KCND2: variants seen among roughly 807,000 people sequenced by gnomAD.
The protein encoded by KCND2 is A-type voltage-gated potassium channel KCND2.
In KCND2, 16 loss-of-function variants were observed where a neutral mutation model predicts 54.4. The observed-to-expected ratio is 0.29, with a 90% CI of 0.20 to 0.45. The LOEUF (loss-of-function observed/expected upper bound fraction) is 0.45, where lower values mean the gene tolerates loss of function less well. KCND2 is among the 20% of genes least tolerant of loss of function. The pLI is 1.00. For missense variants in KCND2, 486 were observed against 824.2 expected (o/e 0.59, Z 5.02); for synonymous variants, 317 against 310.7 (o/e 1.02, Z -0.21).
At chr7:120,725,742 T>C (rs998513882) in intron 1 of KCND2, among the ~76,000 whole-genome samples, 2 of 152,216 alleles carry the variant, frequency 1.3e-5, no homozygotes, top group African/African-American at 2.4e-5. Context: ...TTAACATCGA[T>C]ACTCCCTTAA....
chr7:120,544,240 G>T (rs756886564), intron 1 of KCND2, among the ~76,000 whole-genome samples: 1 of 151,878 alleles, frequency 6.6e-6, no homozygotes, highest in Non-Finnish European at 1.5e-5. Flanking sequence ...GTTAAGAGCA[G>T]CAGGAAGCAA....
rs954944780 is a variant in KCND2, at chr7:120,378,114, G to A, written c.1115+102367G>A. Among the ~76,000 whole-genome samples, 13 of 151,740 alleles carry A rather than the reference G, an allele frequency of 8.6e-5. 1 individual carries two copies. The highest frequency in any genetic ancestry group is 3.1e-4 in the African/African-American group (13 of 41,332). ...CCTAGAACATTTAAGGCAAACAAATGTTACTCTCTTTTCTGTATGTATATA... is the reference window on the plus strand; with the variant it reads ...CCTAGAACATTTAAGGCAAACAAATATTACTCTCTTTTCTGTATGTATATA... On this transcript the variant is annotated intron_variant, in intron 1 of 5. Coordinates refer to ENST00000331113, the MANE Select transcript of KCND2 (RefSeq NM_012281.3).
At chr7:120,425,701 T>C (rs1366428897) in intron 1 of KCND2, among the ~76,000 whole-genome samples, 1 of 152,250 alleles carries the variant, frequency 6.6e-6, no homozygotes, top group African/African-American at 2.4e-5. Context: ...ACCTGTTCTC[T>C]GGTTGTAGAC....
chr7:120,357,404 C>T (rs945609154), intron 1 of KCND2, among the ~76,000 whole-genome samples: 2 of 151,874 alleles, frequency 1.3e-5, no homozygotes, highest in African/African-American at 4.8e-5. Flanking sequence ...TGATTTTTAC[C>T]CTCCTATCCC....
At chr7:120,286,754 A>C (rs962225994) in intron 1 of KCND2, among the ~76,000 whole-genome samples, 3 of 152,192 alleles carry the variant, frequency 2.0e-5, no homozygotes, top group Non-Finnish European at 4.4e-5. Flanking sequence ...AAATTATAAA[A>C]ATCTTATGAC....
rs185723474 is a variant in KCND2, at chr7:120,630,589, T to C, written c.1116-102314T>C. ...GGAATTGTGGGGAAAACATAGTTAATACAAATATCTATAATCTATAATCTA... is the reference window on the plus strand; with the variant it reads ...GGAATTGTGGGGAAAACATAGTTAACACAAATATCTATAATCTATAATCTA... On this transcript the variant is annotated intron_variant, in intron 1 of 5. Coordinates refer to ENST00000331113, the MANE Select transcript of KCND2 (RefSeq NM_012281.3). Among the ~76,000 whole-genome samples the C allele has an allele frequency of 5.8e-3, 886 of 152,260 alleles. 8 individuals carry two copies. Among genetic ancestry groups the C allele is most frequent in the Non-Finnish European group, 9.8e-3 (665 of 68,014 alleles).
rs535141545 is a variant in KCND2, at chr7:120,273,203, G to T, written c.-1430G>T. Among the ~76,000 whole-genome samples, 3 of 152,226 alleles carry T rather than the reference G, an allele frequency of 2.0e-5. No homozygotes were observed. The East Asian group carries it at 5.8e-4, about 29-fold the overall frequency. On this transcript the variant is annotated 5_prime_UTR_variant, in exon 1 of 6. Coordinates refer to ENST00000331113, the MANE Select transcript of KCND2 (RefSeq NM_012281.3). Reference sequence around the variant, plus strand: ...ACCTGCGTGGCGGGGCGTGCGCGCGGTTATTTATTTATTTTCTCCTTATTT... The same window carrying T: ...ACCTGCGTGGCGGGGCGTGCGCGCGTTTATTTATTTATTTTCTCCTTATTT...
At chr7:120,670,455 T>A (rs1243603184) in intron 1 of KCND2, among the ~76,000 whole-genome samples, 2 of 152,118 alleles carry the variant, frequency 1.3e-5, no homozygotes. Flanking sequence ...GCTTTCAGCC[T>A]GTCATAGGTC....
chr7:120,721,354 A>G (rs1169092106), intron 1 of KCND2, among the ~76,000 whole-genome samples: 1 of 152,212 alleles, frequency 6.6e-6, no homozygotes, highest in Non-Finnish European at 1.5e-5. Flanking sequence ...TGACCATTCA[A>G]TCGGTGCTTT....
At chr7:120,590,128 C>T (rs546926252) in intron 1 of KCND2, among the ~76,000 whole-genome samples, 2 of 152,228 alleles carry the variant, frequency 1.3e-5, no homozygotes, top group East Asian at 1.9e-4. Flanking sequence ...TTCAAGCAAT[C>T]GTGCCTCAGC....
At chr7:120,368,256 C>G (rs1355307452) in intron 1 of KCND2, among the ~76,000 whole-genome samples, 1 of 151,940 alleles carries the variant, frequency 6.6e-6, no homozygotes, top group East Asian at 1.9e-4. Flanking sequence ...AATTTTTCTT[C>G]TTAGTGGTGA....
intron 1 of KCND2, among the ~76,000 whole-genome samples, chr7:120,329,790 T>G (rs1036619121): frequency 6.6e-6 from 1 of 152,186 alleles, no homozygotes; most frequent in Non-Finnish European, 1.5e-5. Flanking sequence ...AAGGAAGTAC[T>G]TTCTGCTATT....
intron 1 of KCND2, among the ~76,000 whole-genome samples, chr7:120,299,493 GT>G (rs1184268364): frequency 1.3e-5 from 2 of 152,050 alleles, no homozygotes; most frequent in African/African-American, 2.4e-5. Context: ...CATCTATATA[GT>G]TTAGAGTTAG....
chr7:120,393,650 AT>A (rs1350629085), intron 1 of KCND2, among the ~76,000 whole-genome samples: 1 of 151,856 alleles, frequency 6.6e-6, no homozygotes, highest in Non-Finnish European at 1.5e-5. Flanking sequence ...AAATTTAGAG[AT>A]TTCAGGCTGA....
chr7:120,503,710 C>A (rs1322810121), intron 1 of KCND2, among the ~76,000 whole-genome samples: 1 of 151,956 alleles, frequency 6.6e-6, no homozygotes, highest in Non-Finnish European at 1.5e-5. Flanking sequence ...AGAGCCCCAG[C>A]TCTTTAAAAC....
intron 1 of KCND2, among the ~76,000 whole-genome samples, chr7:120,481,219 T>C (rs1357305540): frequency 6.6e-6 from 1 of 152,124 alleles, no homozygotes; most frequent in African/African-American, 2.4e-5. Flanking sequence ...GAGGGCTTTA[T>C]GGAATGTGGA....
chr7:120,516,037 T>A (rs1368543453), intron 1 of KCND2, among the ~76,000 whole-genome samples: 1 of 152,126 alleles, frequency 6.6e-6, no homozygotes, highest in Non-Finnish European at 1.5e-5. Context: ...CTGTATTATA[T>A]TATCTCCCAT....
At chr7:120,582,532 A>T (rs1321662267) in intron 1 of KCND2, among the ~76,000 whole-genome samples, 3 of 151,712 alleles carry the variant, frequency 2.0e-5, no homozygotes, top group Non-Finnish European at 4.4e-5. Context: ...CTCACACCAC[A>T]CCTTAGATTG....
chr7:120,679,537 T>C (rs1247409883), intron 1 of KCND2, among the ~76,000 whole-genome samples: 2 of 152,062 alleles, frequency 1.3e-5, no homozygotes, highest in African/African-American at 2.4e-5. Context: ...GGATTTGAAA[T>C]GGATCACAAA....
Sources: allele counts gnomAD v4.1 joint callset (sites outside exome capture counted in the v4.1 genomes callset), GRCh38; gene constraint gnomAD v4.1.1; transcripts MANE v1.5; gene names NCBI Gene and HGNC (gene_info 2026-07-23, HGNC 2026-07-21).